Variants in DPP10 observed in about 807,000 individuals in gnomAD.
DPP10 encodes the protein inactive dipeptidyl peptidase 10.
In DPP10, 33 loss-of-function variants were observed where a neutral mutation model predicts 120.9. That is an observed-to-expected ratio of 0.27 (90% CI 0.21 to 0.37). DPP10 has a LOEUF of 0.37. Among genes scored for constraint, DPP10 ranks in the 10% least tolerant of loss-of-function variants. DPP10 has a pLI of 1.00. For synonymous variants in DPP10, 337 were observed against 326.1 expected (o/e 1.03, Z -0.36); for missense variants, 816 against 942.8 (o/e 0.87, Z 1.76).
chr2:115,331,529 T>G (rs1368234617), intron 2 of DPP10, among the ~76,000 whole-genome samples: 2 of 152,210 alleles, frequency 1.3e-5, no homozygotes, highest in African/African-American at 4.8e-5. Context: ...TCCCAGTTTT[T>G]GCCCATTCAG....
chr2:115,481,968 C>T (rs977465030), intron 3 of DPP10, among the ~76,000 whole-genome samples: 1 of 151,908 alleles, frequency 6.6e-6, no homozygotes, highest in Non-Finnish European at 1.5e-5. Context: ...CAAGAACAAA[C>T]CATTTTTGTT....
At chr2:115,211,796 A>G (rs1005271938) in intron 1 of DPP10, among the ~76,000 whole-genome samples, 4 of 152,118 alleles carry the variant, frequency 2.6e-5, no homozygotes, top group African/African-American at 7.2e-5. Flanking sequence ...GTTAAATACA[A>G]TGGTAGATAA....
intron 2 of DPP10, among the ~76,000 whole-genome samples, chr2:115,327,485 C>A (rs1327665913): frequency 6.6e-6 from 1 of 152,050 alleles, no homozygotes; most frequent in South Asian, 2.1e-4. Context: ...TGAAGGGGCT[C>A]GAATTTTTTT....
chr2:115,454,285 C>A (rs939996953), intron 3 of DPP10, among the ~76,000 whole-genome samples: 1 of 151,446 alleles, frequency 6.6e-6, no homozygotes, highest in African/African-American at 2.4e-5. Flanking sequence ...AAATAAACAA[C>A]AAAAACTACA....
chr2:114,771,218 A>G (rs566024286), intron 1 of DPP10, among the ~76,000 whole-genome samples: 1 of 152,342 alleles, frequency 6.6e-6, no homozygotes, highest in East Asian at 1.9e-4. Context: ...ACAACTTGCT[A>G]CATTCTGAAA....
At chr2:114,947,296 A>AT (rs906570399) in intron 1 of DPP10, among the ~76,000 whole-genome samples, 2 of 149,856 alleles carry the variant, frequency 1.3e-5, no homozygotes, top group Non-Finnish European at 3.0e-5. Context: ...ACAAATTTTA[A>AT]TTTTTTTTTC....
chr2:115,348,267 A>G (rs1305956156), intron 3 of DPP10, among the ~76,000 whole-genome samples: 1 of 152,160 alleles, frequency 6.6e-6, no homozygotes, highest in African/African-American at 2.4e-5. Flanking sequence ...ACATTCATGT[A>G]GTGGTAACTT....
chr2:115,495,094 T>G (rs1481086255), intron 3 of DPP10, among the ~76,000 whole-genome samples: 1 of 151,976 alleles, frequency 6.6e-6, no homozygotes, highest in East Asian at 1.9e-4. Context: ...CCTATAATAG[T>G]CAGAAAAGAC....
At chr2:115,446,341 C>T (rs2072584786) in intron 3 of DPP10, among the ~76,000 whole-genome samples, 1 of 152,198 alleles carries the variant, frequency 6.6e-6, no homozygotes, top group Non-Finnish European at 1.5e-5. Context: ...AGCCCACACA[C>T]AGAGTCCCCA....
At chr2:114,640,492 T>TC (rs1180642047) in intron 1 of DPP10, among the ~76,000 whole-genome samples, 1 of 151,818 alleles carries the variant, frequency 6.6e-6, no homozygotes, top group African/African-American at 2.4e-5. Flanking sequence ...CTGTGATTCT[T>TC]CCATAGTGTA....
At chr2:114,473,393 ATAT>A (rs552417985) in intron 1 of DPP10, among the ~76,000 whole-genome samples, 264 of 152,324 alleles carry the variant, frequency 1.7e-3, no homozygotes, top group African/African-American at 5.9e-3. Flanking sequence ...AAACTGCCTA[ATAT>A]TATGCTTCAA....
intron 1 of DPP10, among the ~76,000 whole-genome samples, chr2:114,916,920 GC>G (rs1694849575): frequency 6.6e-6 from 1 of 152,158 alleles, no homozygotes; most frequent in Admixed American, 6.5e-5. Context: ...AGACAAGAAT[GC>G]CCACGCTGAC....
intron 1 of DPP10, among the ~76,000 whole-genome samples, chr2:114,558,535 ATTTTC>A (rs949346665): frequency 4.6e-5 from 7 of 152,102 alleles, no homozygotes; most frequent in Admixed American, 3.9e-4. Flanking sequence ...CATGCCTTTT[ATTTTC>A]TTTATGACAC....
chr2:114,997,326 GA>G (rs11458569), intron 1 of DPP10, among the ~76,000 whole-genome samples: 21 of 135,778 alleles, frequency 1.5e-4, no homozygotes, highest in African/African-American at 4.7e-4. Context: ...CGTCTCTACT[GA>G]AAAAAAAAAA....
intron 1 of DPP10, among the ~76,000 whole-genome samples, chr2:114,573,975 C>T (rs1179786179): frequency 6.6e-6 from 1 of 152,048 alleles, no homozygotes; most frequent in East Asian, 1.9e-4. Flanking sequence ...TACATTTGAT[C>T]GTGGTGAAAG....
In DPP10 at chr2:115,499,530, A is replaced by G. The variant is rs144249280; in HGVS notation, c.292A>G (p.Ser98Gly). 203 of 1,611,810 alleles carry G rather than the reference A, an allele frequency of 1.3e-4. No homozygotes were observed. The highest frequency in any genetic ancestry group is 1.6e-4 in the Non-Finnish European group (187 of 1,178,678). Reference sequence around the variant, plus strand: ...TGCAGATACAGATGTGGTGTATAAAAGCGAGAATGGACATGTCATTAAACT... The same window carrying G: ...TGCAGATACAGATGTGGTGTATAAAGGCGAGAATGGACATGTCATTAAACT... ...WINDTDVVYKSENGHVIKLNI... is the reference protein window; with the variant it reads ...WINDTDVVYKGENGHVIKLNI... Residue 98 changes from serine (S) to glycine (G), a missense_variant, in exon 4 of 26, where the codon AGC (serine) becomes GGC (glycine). Physicochemically the swap from Ser to Gly is moderately conservative, Grantham distance 56. Transcript: ENST00000410059.
At chr2:115,182,229 A>G (rs895794516) in intron 1 of DPP10, among the ~76,000 whole-genome samples, 15 of 152,234 alleles carry the variant, frequency 9.9e-5, no homozygotes, top group Admixed American at 9.2e-4. Flanking sequence ...AAATTAAAAT[A>G]TACAGCTAGA....
intron 3 of DPP10, among the ~76,000 whole-genome samples, chr2:115,384,558 GGAAGAAGAAGAA>G (rs70941052): frequency 3.3e-4 from 47 of 142,836 alleles, no homozygotes; most frequent in Non-Finnish European, 5.3e-4. Flanking sequence ...AAGAAGAAGA[GGAAGAAGAAGAA>G]GAAGAGGAAG....
At chr2:114,995,762 G>A (rs542215860) in intron 1 of DPP10, among the ~76,000 whole-genome samples, 13 of 152,116 alleles carry the variant, frequency 8.5e-5, no homozygotes, top group Non-Finnish European at 1.8e-4. Flanking sequence ...AAACACATTA[G>A]GTCTGGACAA....
Sources: gnomAD v4.1 joint callset for allele counts (sites outside exome capture counted in the v4.1 genomes callset) on GRCh38, gnomAD v4.1.1 for gene constraint, MANE v1.5 for transcripts, NCBI Gene and HGNC (gene_info 2026-07-23, HGNC 2026-07-21) for gene names.